The following DNHD1 variants were observed in gnomAD, a reference collection of about 807,000 sequenced individuals.
DNHD1 encodes the protein dynein heavy chain domain-containing protein 1.
DNHD1 carries 383 observed loss-of-function variants against 458.1 expected under a neutral mutation model. The observed-to-expected ratio is 0.84, with a 90% CI of 0.77 to 0.91. The LOEUF (loss-of-function observed/expected upper bound fraction) is 0.91. Ranked by LOEUF, DNHD1 falls within the 40% of genes least tolerant of loss-of-function variation. The pLI is 0.00. For synonymous variants in DNHD1, 2,203 were observed against 2,376.9 expected (o/e 0.93, Z 2.13); for missense variants, 5,336 against 5,866.1 (o/e 0.91, Z 2.95).
rs796194101 is a variant in DNHD1 at position 6,563,475 on chromosome 11, C to A, written c.9763C>A (p.Arg3255=). The A allele has an allele frequency of 1.9e-6, 3 of 1,551,512 alleles. No individual in the cohort carries two copies. In the African/African-American group the frequency reaches 4.1e-5, roughly 21 times the overall value. ...TCGAGCACCACCAGAATCTGTGGTC[C>A]GGGTAACTGATGCAATGTGTGACTT... is the stretch of plus-strand genomic sequence containing the variant. ...SYRAPPESVV[R]VTDAMCDLFH... Residue 3255 remains arginine (R), a synonymous_variant, in exon 30 of 43, where the codon CGG becomes AGG. Transcript: ENST00000254579.
At chr11:6,542,666 A>G (rs1349343534) in intron 18 of DNHD1, among the ~76,000 whole-genome samples, 5 of 152,238 alleles carry the variant, frequency 3.3e-5, no homozygotes, top group Non-Finnish European at 5.9e-5. Flanking sequence ...TCGTTCACCC[A>G]AATAAACCCC....
intron 10 of DNHD1, among the ~76,000 whole-genome samples, chr11:6,527,041 T>A (rs1357114361): frequency 2.6e-5 from 4 of 152,216 alleles, no homozygotes; most frequent in Admixed American, 2.6e-4. Context: ...TTAGGATCTG[T>A]GAGGATCCCT....
Position 6,546,989 on chromosome 11 carries a change from A to G in DNHD1, c.6050A>G (p.Asp2017Gly), listed in dbSNP as rs531526652. Residue 2017 changes from aspartate (D) to glycine (G), a missense_variant, in exon 21 of 43, where the codon GAC becomes GGC. By Grantham distance (94) the Asp-to-Gly change is moderately conservative. Around this residue, in one of 4 missense-constraint regions of DNHD1, gnomAD observed 3,932 missense variants for 4,365.6 expected, o/e 0.90. Transcript: ENST00000254579. ...KIQNRLAAME[D>G]TSTQGCQPVE... is the part of the protein sequence containing the mutation. Reference sequence around the variant, plus strand: ...CAGAATCGGCTGGCAGCCATGGAGGACACCTCAACCCAAGGCTGCCAGCCT... The same window carrying G: ...CAGAATCGGCTGGCAGCCATGGAGGGCACCTCAACCCAAGGCTGCCAGCCT... The G allele has an allele frequency of 2.6e-4, 397 of 1,551,214 alleles. 2 individuals are homozygous for G. In the South Asian group the frequency reaches 4.4e-3, roughly 17 times the overall value.
intron 7 of DNHD1, among the ~76,000 whole-genome samples, chr11:6,516,970 G>A (rs1004009269): frequency 2.0e-5 from 3 of 151,850 alleles, no homozygotes; most frequent in East Asian, 3.9e-4. Flanking sequence ...GTCCACTCAG[G>A]CCTCTATAAC....
At chr11:6,526,871 G>T (rs539432694) in intron 10 of DNHD1, among the ~76,000 whole-genome samples, 1 of 152,224 alleles carries the variant, frequency 6.6e-6, no homozygotes, top group South Asian at 2.1e-4. Context: ...TTCTGAAATG[G>T]GCCCTCTGCC....
intron 6 of DNHD1, among the ~76,000 whole-genome samples, chr11:6,511,046 A>C (rs1852326931): frequency 6.6e-6 from 1 of 152,204 alleles, no homozygotes; most frequent in African/African-American, 2.4e-5. Context: ...GCACTTGCAC[A>C]TACCCCAAGC....
At chr11:6,517,103 C>T (rs931329887) in intron 7 of DNHD1, among the ~76,000 whole-genome samples, 4 of 152,156 alleles carry the variant, frequency 2.6e-5, no homozygotes, top group African/African-American at 7.2e-5. Flanking sequence ...TAGGTGGCAC[C>T]TTCTCACCAC....
chr11:6,533,867 C>T lies in DNHD1; in HGVS notation c.2692C>T (p.Leu898=). The T allele has an allele frequency of 6.4e-7, 1 of 1,550,876 alleles. No homozygotes were observed. The highest frequency in any genetic ancestry group is 8.7e-7 in the Non-Finnish European group (1 of 1,146,578). The stretch of plus-strand genomic sequence containing the variant: ...CTGCCCTCCTCCCCCACAACCACAT[C>T]TACTCCACTGCCCTCTGCTTGCCCC... ...PPCPPPPQPH[L]LHCPLLAPQL... Residue 898 remains leucine, a synonymous_variant, in exon 14 of 43, where the codon CTA becomes TTA. Transcript: ENST00000254579.
intron 4 of DNHD1, chr11:6,508,639 C>G (rs1852272870): frequency 2.0e-6 from 1 of 490,292 alleles, no homozygotes; most frequent in African/African-American, 2.0e-5. Context: ...AAGATATGAA[C>G]TTCTTGGAGC....
chr11:6,520,442 G>A, intron 10 of DNHD1, 153 bp downstream of exon 10: 5 of 1,475,418 alleles, frequency 3.4e-6, no homozygotes, highest in East Asian at 2.5e-5. Context: ...GCACATATGT[G>A]TTGTGGGTAG....
chr11:6,538,998 C>T (rs1161141973), intron 16 of DNHD1, among the ~76,000 whole-genome samples, 188 bp downstream of exon 16: 5 of 152,144 alleles, frequency 3.3e-5, no homozygotes, highest in East Asian at 3.9e-4. Flanking sequence ...TTACTACCTC[C>T]TCTCTGCTGA....
chr11:6,564,781 C>T lies in DNHD1; in HGVS notation c.10733C>T (p.Ala3578Val), dbSNP rs975580932. 34 of 1,532,792 alleles carry T rather than the reference C, an allele frequency of 2.2e-5. No individual in the cohort carries two copies. In the East Asian group the frequency reaches 2.2e-4, roughly 10 times the overall value. The allele number at this position is 1,532,792 out of a possible 1,614,324, so 94.9% of individuals were successfully genotyped here. A position where few individuals can be genotyped will look rare whatever the true frequency, so the allele number is the denominator to read the frequency against. Residue 3578 changes from alanine to valine, a missense_variant, in exon 32 of 43, where the codon GCG (alanine) becomes GTG (valine). By Grantham distance (64) the Ala-to-Val change is moderately conservative. Coordinates refer to ENST00000254579, the MANE Select transcript of DNHD1 (RefSeq NM_144666.3). ...CCTCTGGAAGAGAATCGATCTTTTG[C>T]GCCAGCCCTCACTGAGGGTAGAGGT... ...PLPLEENRSF[A>V]PALTEGRGKG...
chr11:6,540,190 T>C, intron 18 of DNHD1, 107 bp downstream of exon 18: 3 of 959,700 alleles, frequency 3.1e-6, no homozygotes, highest in African/African-American at 3.3e-5. Flanking sequence ...CAGGGCCCCA[T>C]CCTTACTAGA....
At position 6,546,826 on chromosome 11, in the gene DNHD1, G is replaced by A; in HGVS notation, c.5887G>A (p.Val1963Ile). Residue 1963 changes from valine (V) to isoleucine (I), a missense_variant, in exon 21 of 43, where the codon GTA becomes ATA. Transcript: ENST00000254579. ...ATTGGTGGTGGAGGAACTGCAACAGGTAGGTCTGGATCCCAGCCCTGACAT... is the reference window on the plus strand; with the variant it reads ...ATTGGTGGTGGAGGAACTGCAACAGATAGGTCTGGATCCCAGCCCTGACAT... ...KPLVVEELQQ[V>I]GLDPSPDILG... The A allele has an allele frequency of 1.3e-6, 2 of 1,551,828 alleles. No homozygotes were observed. The highest frequency in any genetic ancestry group is 1.7e-6 in the Non-Finnish European group (2 of 1,147,026).
At chr11:6,551,669 A>C (rs148297019) in intron 24 of DNHD1, among the ~76,000 whole-genome samples, 1 of 152,192 alleles carries the variant, frequency 6.6e-6, no homozygotes, top group African/African-American at 2.4e-5. Context: ...AGGGCCGGGC[A>C]CTGTGGCTCA....
rs538076768 is a variant in DNHD1, at chr11:6,512,502, G to A, written c.1392+1073G>A. Reference sequence around the variant, plus strand: ...CTCCCAAAGTGCTGGGATTACAGGTGTGAACCACCGCGCCTGGCCGACTGC... The same window carrying A: ...CTCCCAAAGTGCTGGGATTACAGGTATGAACCACCGCGCCTGGCCGACTGC... On this transcript the variant is annotated intron_variant, in intron 7 of 42. Transcript: ENST00000254579. Among the ~76,000 whole-genome samples the A allele has an allele frequency of 2.9e-3, 448 of 152,140 alleles. 2 individuals are homozygous for A. Among genetic ancestry groups the A allele is most frequent in the African/African-American group, 0.01 (425 of 41,496 alleles).
chr11:6,554,580 C>A (rs1853423228), intron 24 of DNHD1, among the ~76,000 whole-genome samples: 2 of 152,168 alleles, frequency 1.3e-5, no homozygotes, highest in African/African-American at 2.4e-5. Flanking sequence ...AAAACTCTTA[C>A]AACTCAATAA....
rs1387702779 is a variant in DNHD1, at chr11:6,497,629, C to G, written c.-484C>G. 1.3e-5 allele frequency: 2 copies of G among 153,344 alleles called. No individual in the cohort carries two copies. Among genetic ancestry groups the G allele is most frequent in the African/African-American group, 4.8e-5 (2 of 41,442 alleles). 9.5% of individuals were successfully genotyped at this position (153,344 alleles called of 1,614,324 possible). A position where few individuals can be genotyped will look rare whatever the true frequency, so the allele number is the denominator to read the frequency against. Reference sequence around the variant, plus strand: ...CAGATTCCTTGCTGTGACCGAGGTTCAGAGTGAGCTCTGTCGGTGTGTCAG... The same window carrying G: ...CAGATTCCTTGCTGTGACCGAGGTTGAGAGTGAGCTCTGTCGGTGTGTCAG... On this transcript the variant is annotated 5_prime_UTR_variant, in exon 2 of 43. Coordinates refer to ENST00000254579, the MANE Select transcript of DNHD1 (RefSeq NM_144666.3).
At chr11:6,537,791 CATG>C (rs2095522383) in intron 14 of DNHD1, among the ~76,000 whole-genome samples, 1 of 152,100 alleles carries the variant, frequency 6.6e-6, no homozygotes, top group African/African-American at 2.4e-5. Flanking sequence ...ATTAGCCTGA[CATG>C]GTGGTGTGCG....
Sources: gnomAD v4.1 joint callset for allele counts (sites outside exome capture counted in the v4.1 genomes callset) on GRCh38, gnomAD v4.1.1 for gene constraint, gnomAD v4.1.1 regional missense constraint, MANE v1.5 for transcripts, NCBI Gene and HGNC (gene_info 2026-07-23, HGNC 2026-07-21) for gene names.